Variants in NELL1 observed in about 807,000 individuals in gnomAD.
NELL1 encodes neural EGFL like 1.
A neutral mutation model predicts 107.4 loss-of-function variants in NELL1; 76 were observed. That is an observed-to-expected ratio of 0.71 (90% CI 0.59 to 0.86). The LOEUF (loss-of-function observed/expected upper bound fraction) is 0.86, where lower values mean the gene tolerates loss of function less well. Among genes scored for constraint, NELL1 ranks in the 40% least tolerant of loss-of-function variants. The pLI, the probability that NELL1 is intolerant of heterozygous loss-of-function variation, is 0.00. For missense variants in NELL1, 1,024 were observed against 1,005.5 expected (o/e 1.02, Z -0.25); for synonymous variants, 353 against 341.2 (o/e 1.03, Z -0.38).
chr11:21,132,622 A>C (rs1330831305), intron 13 of NELL1, among the ~76,000 whole-genome samples: 1 of 152,140 alleles, frequency 6.6e-6, no homozygotes, highest in Non-Finnish European at 1.5e-5. Context: ...CAGGCACCTG[A>C]ACAAGGGGAA....
intron 12 of NELL1, among the ~76,000 whole-genome samples, chr11:21,101,507 C>T (rs1259959842): frequency 6.6e-6 from 1 of 152,102 alleles, no homozygotes; most frequent in African/African-American, 2.4e-5. Context: ...CCTGTTGTTT[C>T]CTGACTTTTT....
intron 2 of NELL1, among the ~76,000 whole-genome samples, chr11:20,710,481 C>A (rs190505034): frequency 2.6e-5 from 4 of 152,236 alleles, no homozygotes; most frequent in Non-Finnish European, 5.9e-5. Flanking sequence ...CATCTGTGTT[C>A]ATCAGGGATA....
intron 14 of NELL1, among the ~76,000 whole-genome samples, chr11:21,362,201 C>G (rs1282912193): frequency 6.6e-6 from 1 of 152,200 alleles, no homozygotes; most frequent in Non-Finnish European, 1.5e-5. Flanking sequence ...TGATATAATG[C>G]TCTCCCACTT....
At chr11:21,299,502 T>C (rs185681592) in intron 14 of NELL1, among the ~76,000 whole-genome samples, 84 of 147,914 alleles carry the variant, frequency 5.7e-4, no homozygotes, top group Non-Finnish European at 6.8e-4. Context: ...CAACATTTTA[T>C]TGTCTTATAT....
At chr11:21,111,792 C>T (rs1855114200) in intron 12 of NELL1, among the ~76,000 whole-genome samples, 1 of 151,938 alleles carries the variant, frequency 6.6e-6, no homozygotes, top group East Asian at 1.9e-4. Context: ...TGCTATGTGC[C>T]CAGAGAGTGG....
At chr11:21,526,014 G>C (rs1200831521) in intron 15 of NELL1, among the ~76,000 whole-genome samples, 1 of 152,084 alleles carries the variant, frequency 6.6e-6, no homozygotes, top group Non-Finnish European at 1.5e-5. Flanking sequence ...ACTCATTTCA[G>C]CATTAACTCA....
chr11:21,223,700 T>C (rs556211717), intron 13 of NELL1, among the ~76,000 whole-genome samples: 5 of 152,328 alleles, frequency 3.3e-5, no homozygotes, highest in African/African-American at 1.2e-4. Context: ...AATAGTAATG[T>C]GTGATCCCAT....
intron 13 of NELL1, among the ~76,000 whole-genome samples, chr11:21,191,679 T>C (rs1188312488): frequency 3.3e-5 from 5 of 151,918 alleles, no homozygotes; most frequent in Non-Finnish European, 4.4e-5. Flanking sequence ...TTTTAAGATA[T>C]CCATTTTTGT....
At chr11:20,726,716 A>T (rs1590237401) in intron 2 of NELL1, among the ~76,000 whole-genome samples, 1 of 152,218 alleles carries the variant, frequency 6.6e-6, no homozygotes, top group Admixed American at 6.5e-5. Flanking sequence ...CATTTACATT[A>T]GGTATTTCTC....
chr11:21,150,429 T>C (rs185887002), intron 13 of NELL1, among the ~76,000 whole-genome samples: 121 of 152,284 alleles, frequency 7.9e-4, no homozygotes, highest in African/African-American at 2.8e-3. Flanking sequence ...GAGGCCACCA[T>C]GCAGAGTGTC....
At chr11:21,412,717 A>G (rs1852409229) in intron 15 of NELL1, among the ~76,000 whole-genome samples, 1 of 152,092 alleles carries the variant, frequency 6.6e-6, no homozygotes, top group African/African-American at 2.4e-5. Context: ...AATTCCAGAA[A>G]TAGAGAAATG....
intron 2 of NELL1, among the ~76,000 whole-genome samples, chr11:20,726,620 A>C (rs567292936): frequency 5.0e-4 from 76 of 152,090 alleles, no homozygotes; most frequent in African/African-American, 1.8e-3. Flanking sequence ...ATTATACTTT[A>C]AGTTCTAGGG....
intron 15 of NELL1, among the ~76,000 whole-genome samples, chr11:21,497,702 T>A (rs996629824): frequency 2.0e-5 from 3 of 152,100 alleles, no homozygotes; most frequent in African/African-American, 7.2e-5. Context: ...ATACATAAAC[T>A]CCAGTTTTTG....
intron 15 of NELL1, among the ~76,000 whole-genome samples, chr11:21,485,529 A>G (rs1282518149): frequency 6.6e-6 from 1 of 151,934 alleles, no homozygotes; most frequent in Non-Finnish European, 1.5e-5. Context: ...AAGGGAAGCT[A>G]GGCAATGTCG....
intron 12 of NELL1, 27 bp from the exon 13 acceptor site, chr11:21,113,562 T>G: frequency 6.2e-7 from 1 of 1,603,994 alleles, no homozygotes; most frequent in Non-Finnish European, 8.5e-7. Flanking sequence ...TTGCTAACCA[T>G]GATCTTACTT....
chr11:21,540,002 G>C (rs192351422), intron 16 of NELL1, among the ~76,000 whole-genome samples: 3 of 151,928 alleles, frequency 2.0e-5, no homozygotes, highest in African/African-American at 7.2e-5. Flanking sequence ...GGTCTGGTGT[G>C]GGACCTAGAT....
chr11:21,157,179 G>A (rs1261411259), intron 13 of NELL1, among the ~76,000 whole-genome samples: 2 of 151,780 alleles, frequency 1.3e-5, no homozygotes, highest in African/African-American at 4.8e-5. Context: ...GTGTGTGTGT[G>A]TGTGTACATA....
intron 12 of NELL1, among the ~76,000 whole-genome samples, chr11:21,046,854 T>C (rs900126335): frequency 2.0e-5 from 3 of 151,692 alleles, no homozygotes; most frequent in African/African-American, 7.3e-5. Context: ...AGTATAGCCA[T>C]GTACCACCAT....
intron 12 of NELL1, among the ~76,000 whole-genome samples, chr11:21,111,801 G>T (rs1352284784): frequency 6.6e-6 from 1 of 152,028 alleles, no homozygotes; most frequent in Non-Finnish European, 1.5e-5. Context: ...CCCAGAGAGT[G>T]GAAAACTGGT....
Sources: gnomAD v4.1 joint callset for allele counts (sites outside exome capture counted in the v4.1 genomes callset) on GRCh38, gnomAD v4.1.1 for gene constraint, MANE v1.5 for transcripts, NCBI Gene and HGNC (gene_info 2026-07-23, HGNC 2026-07-21) for gene names.